SGCZ: variants seen among roughly 807,000 people sequenced by gnomAD.
SGCZ encodes the protein zeta-sarcoglycan.
Under a neutral mutation model 41.3 loss-of-function variants are expected in SGCZ, and 40 were observed. The ratio of observed to expected loss-of-function variants is 0.97; its 90% CI spans 0.75 to 1.26. SGCZ has a LOEUF of 1.26. Among genes scored for constraint, SGCZ ranks in the 50% most tolerant of loss-of-function variants. The pLI is 0.00. For synonymous variants in SGCZ, 206 were observed against 137.5 expected (o/e 1.50, Z -3.49); for missense variants, 552 against 369.8 (o/e 1.49, Z -4.04).
At chr8:14,201,122 C>A (rs139209148) in intron 4 of SGCZ, among the ~76,000 whole-genome samples, 5 of 152,072 alleles carry the variant, frequency 3.3e-5, no homozygotes, top group African/African-American at 1.2e-4. Context: ...GGTGAAATAG[C>A]AAGTTTTGCT....
At chr8:15,088,097 C>G (rs138300386) in intron 1 of SGCZ, among the ~76,000 whole-genome samples, 4 of 152,204 alleles carry the variant, frequency 2.6e-5, no homozygotes, top group African/African-American at 9.6e-5. Context: ...TCTGAAAGCA[C>G]AAAATTACCA....
chr8:15,023,060 T>A (rs1803316938), intron 1 of SGCZ, among the ~76,000 whole-genome samples: 2 of 152,132 alleles, frequency 1.3e-5, no homozygotes, highest in African/African-American at 4.8e-5. Context: ...TATCAACTCC[T>A]CTTGTTGCCA....
At chr8:14,941,308 G>C (rs1055353063) in intron 1 of SGCZ, among the ~76,000 whole-genome samples, 1 of 152,090 alleles carries the variant, frequency 6.6e-6, no homozygotes, top group Non-Finnish European at 1.5e-5. Flanking sequence ...AAGGATGTTT[G>C]CTACAGCATT....
intron 2 of SGCZ, among the ~76,000 whole-genome samples, chr8:14,499,284 T>C (rs1436060514): frequency 6.6e-6 from 1 of 152,074 alleles, no homozygotes; most frequent in East Asian, 1.9e-4. Flanking sequence ...TATTACATTT[T>C]CTTAACATAT....
At chr8:15,038,485 C>A (rs1327781650) in intron 1 of SGCZ, among the ~76,000 whole-genome samples, 1 of 151,366 alleles carries the variant, frequency 6.6e-6, no homozygotes, top group East Asian at 1.9e-4. Context: ...TAATATAAGA[C>A]CTTGAACTAT....
At chr8:14,131,939 T>C (rs760975281) in intron 5 of SGCZ, among the ~76,000 whole-genome samples, 3 of 152,138 alleles carry the variant, frequency 2.0e-5, no homozygotes, top group Non-Finnish European at 4.4e-5. Flanking sequence ...CTGTCCCATC[T>C]AGGGCTGTGT....
chr8:14,308,952 G>C (rs1435685727), intron 3 of SGCZ: 10 of 625,948 alleles, frequency 1.6e-5, no homozygotes, highest in Non-Finnish European at 2.8e-5. Flanking sequence ...TAAGCTGATT[G>C]GCACTTCAGA....
intron 2 of SGCZ, among the ~76,000 whole-genome samples, chr8:14,326,165 A>G (rs1051822348): frequency 8.7e-5 from 13 of 149,572 alleles, no homozygotes; most frequent in Middle Eastern, 3.2e-3. Flanking sequence ...TGAATCTGTC[A>G]CTATGGATAA....
At chr8:14,130,775 G>A (rs1345653224) in intron 5 of SGCZ, among the ~76,000 whole-genome samples, 1 of 152,328 alleles carries the variant, frequency 6.6e-6, no homozygotes, top group South Asian at 2.1e-4. Flanking sequence ...AATAGAAAAA[G>A]GGACCGTACC....
chr8:14,447,493 G>A (rs1308222745), intron 2 of SGCZ, among the ~76,000 whole-genome samples: 4 of 152,162 alleles, frequency 2.6e-5, no homozygotes, highest in South Asian at 2.1e-4. Context: ...GAAATGAGTT[G>A]ATTTTCTAAG....
chr8:14,259,168 A>G (rs552160040), intron 3 of SGCZ, among the ~76,000 whole-genome samples: 1 of 152,288 alleles, frequency 6.6e-6, no homozygotes, highest in East Asian at 1.9e-4. Flanking sequence ...TTTGTTATGA[A>G]GTTTTCCATT....
intron 2 of SGCZ, among the ~76,000 whole-genome samples, chr8:14,392,905 T>C (rs931501594): frequency 6.6e-6 from 1 of 152,154 alleles, no homozygotes; most frequent in Non-Finnish European, 1.5e-5. Context: ...AAGTTAGAGT[T>C]TATATTTTTA....
At chr8:14,472,166 T>C (rs1393621226) in intron 2 of SGCZ, among the ~76,000 whole-genome samples, 7 of 152,140 alleles carry the variant, frequency 4.6e-5, no homozygotes, top group Non-Finnish European at 1.0e-4. Context: ...ATTTTAGAAG[T>C]GACCTTTAGT....
intron 7 of SGCZ, among the ~76,000 whole-genome samples, chr8:14,091,784 G>T (rs574113308): frequency 6.6e-6 from 1 of 152,258 alleles, no homozygotes; most frequent in Middle Eastern, 3.4e-3. Flanking sequence ...TAGGTTGCCT[G>T]TTCACTCTGA....
intron 1 of SGCZ, among the ~76,000 whole-genome samples, chr8:14,708,245 T>C (rs922994561): frequency 7.2e-5 from 11 of 152,060 alleles, no homozygotes; most frequent in African/African-American, 2.7e-4. Flanking sequence ...AACATATTAG[T>C]ACATTCAATT....
chr8:14,870,973 C>A (rs556590599), intron 1 of SGCZ, among the ~76,000 whole-genome samples: 1 of 151,758 alleles, frequency 6.6e-6, no homozygotes, highest in Admixed American at 6.6e-5. Flanking sequence ...TTTGGGAGGC[C>A]GAGGCAGGAG....
chr8:15,139,021 C>T (rs1411513889), intron 1 of SGCZ, among the ~76,000 whole-genome samples: 1 of 152,052 alleles, frequency 6.6e-6, no homozygotes, highest in Admixed American at 6.6e-5. Context: ...TTTAAGCATG[C>T]CCTAAGTTAA....
chr8:14,760,441 G>A (rs184153568), intron 1 of SGCZ, among the ~76,000 whole-genome samples: 1 of 152,178 alleles, frequency 6.6e-6, no homozygotes, highest in East Asian at 1.9e-4. Flanking sequence ...CCAGATTGGG[G>A]GAAAATATAT....
intron 2 of SGCZ, among the ~76,000 whole-genome samples, chr8:14,408,966 T>TGTGTGTGTGTGTGTGC (rs1395616202): frequency 5.1e-5 from 7 of 136,776 alleles, no homozygotes; most frequent in East Asian, 2.0e-4. Context: ...TGTGTGTGTG[T>TGTGTGTGTGTGTGTGC]GTGTGCATGT....
Sources: gnomAD v4.1 joint callset for allele counts (sites outside exome capture counted in the v4.1 genomes callset) on GRCh38, gnomAD v4.1.1 for gene constraint, MANE v1.5 for transcripts, NCBI Gene and HGNC (gene_info 2026-07-23, HGNC 2026-07-21) for gene names.